The following FHIT variants were observed in gnomAD, a reference collection of about 807,000 sequenced individuals.
The protein encoded by FHIT is fragile histidine triad diadenosine triphosphatase, also known as bis(5'-adenosyl)-triphosphatase.
In FHIT, 19 loss-of-function variants were observed where a neutral mutation model predicts 17.9. The ratio of observed to expected loss-of-function variants is 1.06; its 90% CI spans 0.74 to 1.56. The LOEUF (loss-of-function observed/expected upper bound fraction) is 1.56, where lower values mean the gene tolerates loss of function less well. Among genes scored for constraint, FHIT ranks in the 40% most tolerant of loss-of-function variants. The probability of loss-of-function intolerance (pLI) is 0.00; values close to 1 mark genes in which losing one functional copy is unlikely to be tolerated. For synonymous variants in FHIT, 81 were observed against 69.7 expected (o/e 1.16, Z -0.81); for missense variants, 248 against 189.2 (o/e 1.31, Z -1.82).
At chr3:60,188,576 T>C (rs1318497958) in intron 5 of FHIT, among the ~76,000 whole-genome samples, 1 of 152,272 alleles carries the variant, frequency 6.6e-6, no homozygotes, top group South Asian at 2.1e-4. Flanking sequence ...AAGTTTCATA[T>C]GAGTTAAGGA....
intron 4 of FHIT, among the ~76,000 whole-genome samples, chr3:60,621,528 T>G (rs1349583073): frequency 1.3e-5 from 2 of 152,082 alleles, no homozygotes; most frequent in African/African-American, 4.8e-5. Context: ...TTTATAAATA[T>G]CATTCTGAAA....
At chr3:60,007,501 C>T (rs186822712) in intron 7 of FHIT, among the ~76,000 whole-genome samples, 56 of 152,030 alleles carry the variant, frequency 3.7e-4, no homozygotes, top group African/African-American at 1.2e-3. Flanking sequence ...CATCATCATT[C>T]TCTTCCCCAC....
intron 5 of FHIT, among the ~76,000 whole-genome samples, chr3:60,533,401 T>C (rs1042767373): frequency 2.9e-4 from 44 of 152,298 alleles, no homozygotes; most frequent in African/African-American, 1.0e-3. Context: ...AAAAGAGATG[T>C]GCAAGAGCAG....
At chr3:60,781,004 G>A (rs1008217051) in intron 4 of FHIT, among the ~76,000 whole-genome samples, 3 of 152,162 alleles carry the variant, frequency 2.0e-5, no homozygotes, top group South Asian at 2.1e-4. Flanking sequence ...AACAGTCTGC[G>A]AGCCTAAATT....
intron 5 of FHIT, among the ~76,000 whole-genome samples, chr3:60,398,811 T>C (rs1272932993): frequency 6.6e-6 from 1 of 152,016 alleles, no homozygotes; most frequent in Non-Finnish European, 1.5e-5. Flanking sequence ...ATATACCACA[T>C]AGGTGGAAAA....
intron 5 of FHIT, among the ~76,000 whole-genome samples, chr3:60,345,809 T>C (rs1468696262): frequency 6.6e-6 from 1 of 152,228 alleles, no homozygotes; most frequent in Non-Finnish European, 1.5e-5. Flanking sequence ...TTTTGAAAAC[T>C]ATGACATGCT....
intron 5 of FHIT, among the ~76,000 whole-genome samples, chr3:60,467,970 G>T (rs1230340938): frequency 6.6e-6 from 1 of 152,008 alleles, no homozygotes; most frequent in Non-Finnish European, 1.5e-5. Flanking sequence ...ATATATGAGT[G>T]CTCCAGTGTT....
At chr3:60,563,645 G>A (rs1156314924) in intron 4 of FHIT, among the ~76,000 whole-genome samples, 1 of 152,210 alleles carries the variant, frequency 6.6e-6, no homozygotes, top group Non-Finnish European at 1.5e-5. Flanking sequence ...TGCTGATAGG[G>A]AGAGTTTGAG....
chr3:60,229,292 C>G (rs186029053), intron 5 of FHIT, among the ~76,000 whole-genome samples: 16 of 152,136 alleles, frequency 1.1e-4, no homozygotes, highest in African/African-American at 3.6e-4. Flanking sequence ...TGGTGAGCAT[C>G]TGCAATCCCA....
intron 3 of FHIT, among the ~76,000 whole-genome samples, chr3:60,844,372 GA>G (rs146808893): frequency 0.011 from 1,646 of 152,092 alleles, 30 homozygotes; most frequent in African/African-American, 0.037. Context: ...TAAAATCATT[GA>G]CTCTAGGGCA....
intron 4 of FHIT, among the ~76,000 whole-genome samples, chr3:60,699,856 C>T (rs2041200892): frequency 6.6e-6 from 1 of 151,868 alleles, no homozygotes; most frequent in Admixed American, 6.6e-5. Context: ...CAAAAATGCA[C>T]ACATACGCCA....
At chr3:60,546,911 T>C (rs1192079862) in intron 4 of FHIT, among the ~76,000 whole-genome samples, 1 of 152,192 alleles carries the variant, frequency 6.6e-6, no homozygotes, top group Non-Finnish European at 1.5e-5. Context: ...ACCTCTTTTT[T>C]AATTGTGGTA....
intron 5 of FHIT, among the ~76,000 whole-genome samples, chr3:60,166,870 G>A (rs1015274181): frequency 6.6e-6 from 1 of 152,176 alleles, no homozygotes; most frequent in African/African-American, 2.4e-5. Context: ...AATAGGAAGA[G>A]CAAGCAGCAA....
intron 5 of FHIT, among the ~76,000 whole-genome samples, chr3:60,129,042 C>CTTTTTTTTTTTTTTTTT (rs1360333142): frequency 4.4e-5 from 5 of 113,012 alleles, no homozygotes; most frequent in African/African-American, 1.7e-4. Flanking sequence ...TTCTTCTTTC[C>CTTTTTTTTTTTTTTTTT]TTTTTTGTTT....
At chr3:60,965,758 T>C (rs568686338) in intron 3 of FHIT, among the ~76,000 whole-genome samples, 206 of 152,310 alleles carry the variant, frequency 1.4e-3, no homozygotes, top group African/African-American at 4.5e-3. Context: ...ACAGCAAATA[T>C]TGCAGAATGG....
intron 5 of FHIT, among the ~76,000 whole-genome samples, chr3:60,289,694 A>G (rs1431586612): frequency 6.6e-6 from 1 of 152,166 alleles, no homozygotes; most frequent in African/African-American, 2.4e-5. Flanking sequence ...TTTCTATTCT[A>G]ATTATGTAGA....
chr3:60,226,490 A>C (rs939613582), intron 5 of FHIT, among the ~76,000 whole-genome samples: 98 of 150,746 alleles, frequency 6.5e-4, no homozygotes, highest in African/African-American at 2.2e-3. Context: ...AAAAAAAAAA[A>C]AAAACACTGC....
intron 7 of FHIT, among the ~76,000 whole-genome samples, chr3:59,967,042 T>C (rs1707959919): frequency 6.6e-6 from 1 of 151,822 alleles, no homozygotes; most frequent in Non-Finnish European, 1.5e-5. Context: ...TTTTACACTT[T>C]TGTGTTAAAA....
intron 5 of FHIT, among the ~76,000 whole-genome samples, chr3:60,211,611 C>T (rs769099744): frequency 6.6e-6 from 1 of 152,114 alleles, no homozygotes; most frequent in African/African-American, 2.4e-5. Flanking sequence ...CTAAACTGCT[C>T]ATGGTAATTA....
Sources: allele counts gnomAD v4.1 joint callset (sites outside exome capture counted in the v4.1 genomes callset), GRCh38; gene constraint gnomAD v4.1.1; transcripts MANE v1.5; gene names NCBI Gene and HGNC (gene_info 2026-07-23, HGNC 2026-07-21).